SOX5: variants seen among roughly 807,000 people sequenced by gnomAD.
SOX5 encodes the protein SRY-box transcription factor 5.
In SOX5, 9 loss-of-function variants were observed where a neutral mutation model predicts 92.0. The observed-to-expected ratio is 0.10, with a 90% CI of 0.06 to 0.17. The LOEUF is 0.17. SOX5 is among the 10% of genes least tolerant of loss of function. The pLI, the probability that SOX5 is intolerant of heterozygous loss-of-function variation, is 1.00. For missense variants in SOX5, 642 were observed against 944.5 expected, an observed-to-expected ratio of 0.68 and a Z score of 4.20; for synonymous variants, 344 against 336.3, an observed-to-expected ratio of 1.02 and a Z score of -0.25.
chr12:24,316,871 G>T (rs1220359576), intron 2 of SOX5, among the ~76,000 whole-genome samples: 1 of 152,082 alleles, frequency 6.6e-6, no homozygotes, highest in African/African-American at 2.4e-5. Context: ...GAAGCTGGTG[G>T]TAGCACAAGA....
rs570699631 is a variant in SOX5 at position 23,723,108 on chromosome 12, C to T, written c.810+11576G>A. On this transcript the variant is annotated intron_variant, in intron 6 of 14. Coordinates refer to ENST00000451604, the MANE Select transcript of SOX5 (RefSeq NM_006940.6). Reference sequence around the variant, plus strand: ...TGCATGACACGGGTGCTCATGACAACGTACCCTCTATCATGAAAAGATTGC... The same window carrying T: ...TGCATGACACGGGTGCTCATGACAATGTACCCTCTATCATGAAAAGATTGC... Among the ~76,000 whole-genome samples the T allele has an allele frequency of 2.6e-5, 4 of 152,000 alleles. No individual in the cohort carries two copies. The South Asian group carries it at 6.2e-4, about 24-fold the overall frequency.
intron 3 of SOX5, among the ~76,000 whole-genome samples, chr12:24,225,298 G>A (rs1961639732): frequency 6.6e-6 from 1 of 152,134 alleles, no homozygotes; most frequent in South Asian, 2.1e-4. Context: ...GTGCTTAAAG[G>A]AGGTCCAATA....
intron 3 of SOX5, among the ~76,000 whole-genome samples, chr12:24,217,256 T>C (rs910171265): frequency 6.6e-6 from 1 of 152,182 alleles, no homozygotes; most frequent in Non-Finnish European, 1.5e-5. Flanking sequence ...CCACTTGCAG[T>C]TGACCTTTGA....
chr12:24,129,398 C>A (rs538142421), intron 4 of SOX5, among the ~76,000 whole-genome samples: 2 of 152,048 alleles, frequency 1.3e-5, no homozygotes, highest in Non-Finnish European at 2.9e-5. Flanking sequence ...GTGTGTTATC[C>A]ATTCCTTATC....
chr12:24,330,881 C>T (rs1054733749), intron 2 of SOX5, among the ~76,000 whole-genome samples: 19 of 152,066 alleles, frequency 1.2e-4, no homozygotes, highest in African/African-American at 4.6e-4. Context: ...AAGAGGGAGA[C>T]CATCAATGGA....
intron 2 of SOX5, among the ~76,000 whole-genome samples, chr12:24,286,215 A>C (rs1945845649): frequency 6.6e-6 from 1 of 152,222 alleles, no homozygotes; most frequent in Non-Finnish European, 1.5e-5. Flanking sequence ...ACAGTTAATA[A>C]TTGTAGTGTC....
intron 4 of SOX5, among the ~76,000 whole-genome samples, chr12:23,996,854 T>C (rs1391634953): frequency 1.3e-5 from 2 of 152,190 alleles, no homozygotes; most frequent in East Asian, 1.9e-4. Flanking sequence ...TTACTGAGTA[T>C]GGAATTTTCT....
intron 8 of SOX5, among the ~76,000 whole-genome samples, chr12:23,636,491 A>G (rs1271226570): frequency 6.6e-6 from 1 of 152,342 alleles, no homozygotes; most frequent in East Asian, 1.9e-4. Context: ...ATATTATCCA[A>G]GTTTGAACAA....
At chr12:23,689,505 TAA>T (rs2088332901) in intron 6 of SOX5, among the ~76,000 whole-genome samples, 1 of 152,196 alleles carries the variant, frequency 6.6e-6, no homozygotes, top group South Asian at 2.1e-4. Flanking sequence ...TCAATTTACT[TAA>T]GTCATTGTTA....
At chr12:23,763,632 A>G (rs980831711) in intron 3 of SOX5, among the ~76,000 whole-genome samples, 1 of 151,908 alleles carries the variant, frequency 6.6e-6, no homozygotes, top group African/African-American at 2.4e-5. Flanking sequence ...ACAAATACAA[A>G]ATTGCTCAAT....
intron 1 of SOX5, among the ~76,000 whole-genome samples, chr12:24,389,364 C>T (rs540926403): frequency 1.3e-5 from 2 of 152,222 alleles, no homozygotes; most frequent in African/African-American, 4.8e-5. Context: ...CATTGTTGGA[C>T]ATTTGGGTTG....
chr12:23,920,834 A>G (rs773993590), intron 1 of SOX5, among the ~76,000 whole-genome samples: 1 of 152,192 alleles, frequency 6.6e-6, no homozygotes, highest in Non-Finnish European at 1.5e-5. Context: ...GATTCAAAAC[A>G]AAAGTATCCT....
At position 24,327,307 on chromosome 12, in the gene SOX5, A is replaced by T. The variant is rs1465261886; in HGVS notation, c.-174+41256T>A. Among the ~76,000 whole-genome samples, 5 of 151,548 alleles carry T rather than the reference A, an allele frequency of 3.3e-5. No individual in the cohort carries two copies. The East Asian group carries it at 9.7e-4, about 29-fold the overall frequency. ...TCCCAGTGTTTCCTTATTAACAAAG[A>T]TCAAAGATATGCTGAAAATGTCCAT... On this transcript the variant is annotated intron_variant, in intron 2 of 4. Coordinates refer to the SOX5 transcript ENST00000446891.
intron 1 of SOX5, among the ~76,000 whole-genome samples, chr12:24,557,358 C>T (rs569374711): frequency 1.4e-5 from 2 of 147,798 alleles, no homozygotes; most frequent in African/African-American, 5.0e-5. Context: ...ACCAACATAG[C>T]GCCACTGCAC....
chr12:23,617,867 CCCAACTGATAGTTT>C (rs2076752388), intron 8 of SOX5, among the ~76,000 whole-genome samples: 1 of 152,144 alleles, frequency 6.6e-6, no homozygotes, highest in Non-Finnish European at 1.5e-5. Context: ...GTAAGAACAC[CCCAACTGATAGTTT>C]CTCTTTCGCT....
At chr12:24,437,302 C>T (rs1939633633) in intron 1 of SOX5, among the ~76,000 whole-genome samples, 2 of 152,224 alleles carry the variant, frequency 1.3e-5, no homozygotes, top group South Asian at 2.1e-4. Context: ...CTCCCTCACA[C>T]CTTATATAAA....
chr12:24,043,367 A>T (rs940951479), intron 4 of SOX5, among the ~76,000 whole-genome samples: 2 of 152,258 alleles, frequency 1.3e-5, no homozygotes, highest in Non-Finnish European at 2.9e-5. Context: ...TTCCTGAATT[A>T]ATTTCCCTTT....
At chr12:24,345,462 C>A (rs542269638) in intron 2 of SOX5, among the ~76,000 whole-genome samples, 2 of 152,164 alleles carry the variant, frequency 1.3e-5, no homozygotes, top group East Asian at 3.9e-4. Flanking sequence ...CCAAGAAGCA[C>A]TTTCTTGCTC....
chr12:23,637,653 G>A (rs939597972), intron 8 of SOX5, among the ~76,000 whole-genome samples: 7 of 152,114 alleles, frequency 4.6e-5, no homozygotes, highest in African/African-American at 1.2e-4. Context: ...CCAAAAAGCA[G>A]AATAAAGCAA....
Sources: allele counts gnomAD v4.1 joint callset (sites outside exome capture counted in the v4.1 genomes callset), GRCh38; gene constraint gnomAD v4.1.1; transcripts MANE v1.5; gene names NCBI Gene and HGNC (gene_info 2026-07-23, HGNC 2026-07-21).